The following SPON1 variants were observed in gnomAD, a reference collection of about 807,000 sequenced individuals.
SPON1 encodes the protein spondin-1.
Under a neutral mutation model 111.7 loss-of-function variants are expected in SPON1, and 52 were observed. That is an observed-to-expected ratio of 0.47 (90% CI 0.37 to 0.59). The LOEUF is 0.59. SPON1 is among the 20% of genes least tolerant of loss of function. SPON1 has a pLI of 0.00. For missense variants in SPON1, 957 were observed against 1,068.5 expected (o/e 0.90, Z 1.46); for synonymous variants, 410 against 395.8 (o/e 1.04, Z -0.43).
At chr11:14,053,939 G>C (rs538098302) in intron 3 of SPON1, among the ~76,000 whole-genome samples, 3 of 152,282 alleles carry the variant, frequency 2.0e-5, no homozygotes, top group South Asian at 4.1e-4. Flanking sequence ...CAGTGCTGTG[G>C]AAGATGGCAT....
At chr11:14,163,746 A>G (rs12800433) in intron 6 of SPON1, among the ~76,000 whole-genome samples, 59,692 of 152,020 alleles carry the variant, frequency 0.39, 11,978 homozygotes, top group East Asian at 0.55. Flanking sequence ...TTCCTGAGCT[A>G]CCATTCTTCA....
At chr11:14,261,624 G>A (rs1159248817) in intron 14 of SPON1, among the ~76,000 whole-genome samples, 1 of 152,200 alleles carries the variant, frequency 6.6e-6, no homozygotes, top group African/African-American at 2.4e-5. Context: ...TGTTTTAGGA[G>A]ACTCAGCCAT....
chr11:14,116,288 C>T (rs1484607757), intron 5 of SPON1, among the ~76,000 whole-genome samples: 1 of 151,870 alleles, frequency 6.6e-6, no homozygotes, highest in African/African-American at 2.4e-5. Flanking sequence ...ACCTTTTTTG[C>T]TCCATTTAAG....
chr11:14,031,246 T>C (rs1554916017), intron 2 of SPON1, among the ~76,000 whole-genome samples: 1 of 152,218 alleles, frequency 6.6e-6, no homozygotes, highest in Non-Finnish European at 1.5e-5. Flanking sequence ...CTACCTTTTG[T>C]GTACTGTGCT....
chr11:14,120,558 A>G (rs1161808400), intron 5 of SPON1, among the ~76,000 whole-genome samples: 8 of 151,762 alleles, frequency 5.3e-5, no homozygotes, highest in African/African-American at 1.9e-4. Context: ...CCATTTTCCC[A>G]CCACTTGCCC....
intron 2 of SPON1, among the ~76,000 whole-genome samples, chr11:14,040,975 A>G (rs1417404542): frequency 3.0e-4 from 45 of 152,172 alleles, no homozygotes; most frequent in Non-Finnish European, 4.3e-4. Flanking sequence ...CATCATAGGA[A>G]ACTTTGATGG....
chr11:14,177,584 T>C (rs574347801), intron 6 of SPON1, among the ~76,000 whole-genome samples: 1 of 152,256 alleles, frequency 6.6e-6, no homozygotes, highest in East Asian at 1.9e-4. Context: ...GGTCAGAAAC[T>C]TGTAGCCTCC....
intron 6 of SPON1, among the ~76,000 whole-genome samples, chr11:14,221,994 T>A (rs1554937650): frequency 6.6e-6 from 1 of 152,226 alleles, no homozygotes; most frequent in Non-Finnish European, 1.5e-5. Flanking sequence ...TTCCTGGGAC[T>A]AGGACCACTT....
At position 13,963,153 on chromosome 11, in the gene SPON1, G is replaced by T. The variant is rs1354633764; in HGVS notation, c.238+11G>T. 4.6e-5 allele frequency: 69 copies of T among 1,485,492 alleles called. No homozygotes were observed. The highest frequency in any genetic ancestry group is 8.0e-5 in the South Asian group (6 of 75,418). The allele number at this position is 1,485,492 out of a possible 1,614,324, so 92.0% of individuals were successfully genotyped here. A position where few individuals can be genotyped will look rare whatever the true frequency, so the allele number is the denominator to read the frequency against. On this transcript the variant is annotated intron_variant, in intron 1 of 15. Coordinates refer to ENST00000576479, the MANE Select transcript of SPON1 (RefSeq NM_006108.4). ...GAACCAGCTACCGCGGTAAGTGGCCGCCCGGCGTGGCATTAGGAGAGCGGG... is the reference window on the plus strand; with the variant it reads ...GAACCAGCTACCGCGGTAAGTGGCCTCCCGGCGTGGCATTAGGAGAGCGGG...
At chr11:14,058,108 T>C (rs1554919462) in intron 3 of SPON1, among the ~76,000 whole-genome samples, 1 of 152,062 alleles carries the variant, frequency 6.6e-6, no homozygotes, top group Non-Finnish European at 1.5e-5. Flanking sequence ...TTCCTTTTTT[T>C]CTTTTCTCCC....
chr11:14,223,364 A>G (rs1848701864), intron 6 of SPON1, among the ~76,000 whole-genome samples: 1 of 152,202 alleles, frequency 6.6e-6, no homozygotes, highest in Non-Finnish European at 1.5e-5. Flanking sequence ...ACCCTGTCTC[A>G]TAAATAAATA....
Position 14,135,585 on chromosome 11 carries a change from A to G in SPON1, c.825+17A>G, listed in dbSNP as rs1317718753. On this transcript the variant is annotated intron_variant, in intron 6 of 15. Coordinates refer to ENST00000576479, the MANE Select transcript of SPON1 (RefSeq NM_006108.4). The surrounding 1 kb of genome is among the most constrained non-coding windows in gnomAD (Gnocchi z 4.4). ...CGACAACAGGTAAGACAAAAAAATC[A>G]CAGAATGACCAAATAACAGAAATGC... 20 of 1,610,368 alleles carry G rather than the reference A, an allele frequency of 1.2e-5. No homozygotes were observed. The highest frequency in any genetic ancestry group is 1.7e-5 in the Admixed American group (1 of 59,810).
At chr11:14,163,765 C>G (rs1261198062) in intron 6 of SPON1, among the ~76,000 whole-genome samples, 8 of 152,190 alleles carry the variant, frequency 5.3e-5, no homozygotes, top group Admixed American at 2.0e-4. Flanking sequence ...CATGCCCGTG[C>G]TGTGGTGGGA....
chr11:14,140,641 C>T (rs1443145107), intron 6 of SPON1, among the ~76,000 whole-genome samples: 3 of 152,194 alleles, frequency 2.0e-5, no homozygotes, highest in Non-Finnish European at 4.4e-5. Context: ...GTGATCCACC[C>T]ACCTTGGCCT....
intron 2 of SPON1, among the ~76,000 whole-genome samples, chr11:13,992,487 T>G (rs1848238640): frequency 6.6e-6 from 1 of 152,150 alleles, no homozygotes; most frequent in African/African-American, 2.4e-5. Context: ...GATCTTAGTT[T>G]GCTGGGCTCC....
chr11:14,101,235 ACT>A (rs1849141479), intron 5 of SPON1, among the ~76,000 whole-genome samples: 1 of 151,978 alleles, frequency 6.6e-6, no homozygotes, highest in Admixed American at 6.6e-5. Flanking sequence ...CCCCATCTCT[ACT>A]AAAAATACAA....
At chr11:13,978,924 C>T (rs782005374) in intron 1 of SPON1, among the ~76,000 whole-genome samples, 1 of 152,126 alleles carries the variant, frequency 6.6e-6, no homozygotes, top group African/African-American at 2.4e-5. Flanking sequence ...TCTTGGTCTG[C>T]GGAGTTTGAG....
At chr11:14,191,121 AGTGAAAT>A (rs782627199) in intron 6 of SPON1, among the ~76,000 whole-genome samples, 10 of 152,196 alleles carry the variant, frequency 6.6e-5, no homozygotes, top group Non-Finnish European at 1.3e-4. Flanking sequence ...TCAAAAGAAG[AGTGAAAT>A]GTTATTTTAA....
Position 14,036,367 on chromosome 11 carries a change from A to G in SPON1, c.346-5154A>G, listed in dbSNP as rs1488442396. ...GGTAATAGTAAGAATGGTGGTAGAC[A>G]TTCAGGAGATATTTGGAAGGTAAGA... On this transcript the variant is annotated intron_variant, in intron 2 of 15. Transcript: ENST00000576479. 2.6e-5 allele frequency among the ~76,000 whole-genome samples: 4 copies of G among 152,200 alleles called. No individual in the cohort carries two copies. In the South Asian group the frequency reaches 8.3e-4, roughly 32 times the overall value.
Sources: allele counts gnomAD v4.1 joint callset (sites outside exome capture counted in the v4.1 genomes callset), GRCh38; gene constraint gnomAD v4.1.1; non-coding constraint Gnocchi (gnomAD v3.1); transcripts MANE v1.5; gene names NCBI Gene and HGNC (gene_info 2026-07-23, HGNC 2026-07-21).